SNTG1: variants seen among roughly 807,000 people sequenced by gnomAD.
SNTG1 encodes syntrophin gamma 1.
In SNTG1, 39 loss-of-function variants were observed where a neutral mutation model predicts 74.7. That is an observed-to-expected ratio of 0.52 (90% CI 0.40 to 0.68). The LOEUF (loss-of-function observed/expected upper bound fraction) is 0.68, where lower values mean the gene tolerates loss of function less well. Ranked by LOEUF, SNTG1 falls within the 30% of genes least tolerant of loss-of-function variation. SNTG1 has a pLI of 0.00. For missense variants in SNTG1, 685 were observed against 609.5 expected (o/e 1.12, Z -1.30); for synonymous variants, 254 against 217.1 (o/e 1.17, Z -1.49).
In SNTG1 at chr8:50,661,129, T is replaced by C. The variant is rs141116609; in HGVS notation, c.1038+2466T>C. On this transcript the variant is annotated intron_variant, in intron 15 of 18. Coordinates refer to ENST00000642720, the MANE Select transcript of SNTG1 (RefSeq NM_018967.5). ...TACCAGGTAACCTCAGCACTTGTTA[T>C]GTGGCTGAGAAAAATGCAGAAAAAG... Among the ~76,000 whole-genome samples the C allele has an allele frequency of 4.6e-3, 702 of 152,296 alleles. 8 individuals are homozygous for C. The highest frequency in any genetic ancestry group is 0.016 in the African/African-American group (652 of 41,572).
intron 4 of SNTG1, among the ~76,000 whole-genome samples, chr8:50,415,493 T>A (rs970439446): frequency 1.6e-4 from 25 of 152,238 alleles, no homozygotes; most frequent in Non-Finnish European, 3.4e-4. Flanking sequence ...AGGAGTAAGA[T>A]TTTTGGTTAA....
chr8:50,792,781 T>C lies in SNTG1; in HGVS notation c.1506T>C (p.Ser502=), dbSNP rs763171404. The change falls in exon 19 of 19, where the codon TCT becomes TCC. Residue 502 remains serine (S), a synonymous_variant. Coordinates refer to ENST00000642720, the MANE Select transcript of SNTG1 (RefSeq NM_018967.5). ...PLFLGNQATA[S]TAASSATTSK... ...TTTTAGGCAATCAAGCTACTGCTTCTACTGCTGCCAGCTCTGCTACCACGA... is the reference window on the plus strand; with the variant it reads ...TTTTAGGCAATCAAGCTACTGCTTCCACTGCTGCCAGCTCTGCTACCACGA... 16 of 1,612,528 alleles carry C rather than the reference T, an allele frequency of 9.9e-6. No individual in the cohort carries two copies. In the Admixed American group the frequency reaches 2.2e-4, roughly 22 times the overall value.
intron 2 of SNTG1, among the ~76,000 whole-genome samples, chr8:50,247,721 G>T (rs550436192): frequency 2.0e-5 from 3 of 151,012 alleles, no homozygotes; most frequent in Non-Finnish European, 2.9e-5. Context: ...ACTGGGTCTT[G>T]TCACGTTGCC....
chr8:50,262,174 T>C (rs911729840), intron 2 of SNTG1, among the ~76,000 whole-genome samples: 1 of 152,296 alleles, frequency 6.6e-6, no homozygotes, highest in African/African-American at 2.4e-5. Flanking sequence ...AAAAATAGCA[T>C]ACTAAGATTT....
intron 18 of SNTG1, among the ~76,000 whole-genome samples, chr8:50,785,030 AC>A (rs756963548): frequency 3.3e-5 from 5 of 152,036 alleles, no homozygotes; most frequent in Admixed American, 6.6e-5. Flanking sequence ...TCATGCTAAA[AC>A]ATATGCTACG....
At chr8:49,972,315 GT>G (rs1272718049) in intron 1 of SNTG1, among the ~76,000 whole-genome samples, 2 of 152,178 alleles carry the variant, frequency 1.3e-5, no homozygotes, top group Non-Finnish European at 2.9e-5. Flanking sequence ...CTAGCCATAT[GT>G]AGAAAGCTGA....
intron 2 of SNTG1, among the ~76,000 whole-genome samples, chr8:50,252,264 AT>A (rs1315241118): frequency 6.6e-6 from 1 of 152,130 alleles, no homozygotes; most frequent in Admixed American, 6.5e-5. Flanking sequence ...CAAGAAAAAT[AT>A]TTATAATCAA....
chr8:50,275,219 C>G (rs2088024287), intron 2 of SNTG1, among the ~76,000 whole-genome samples: 1 of 152,020 alleles, frequency 6.6e-6, no homozygotes, highest in South Asian at 2.1e-4. Context: ...GATTTATTTT[C>G]TTAAATGAAT....
intron 2 of SNTG1, among the ~76,000 whole-genome samples, chr8:50,295,779 G>T (rs1340058565): frequency 6.6e-6 from 1 of 152,144 alleles, no homozygotes; most frequent in African/African-American, 2.4e-5. Context: ...AGTTTGCCAA[G>T]ATACATATGA....
intron 2 of SNTG1, among the ~76,000 whole-genome samples, chr8:50,225,231 CA>C: frequency 6.6e-6 from 1 of 152,218 alleles, no homozygotes; most frequent in East Asian, 1.9e-4. Context: ...CTCAGCCTCC[CA>C]AAGTGCGTAT....
chr8:50,688,373 G>A (rs1176216580), intron 15 of SNTG1, among the ~76,000 whole-genome samples: 2 of 152,062 alleles, frequency 1.3e-5, no homozygotes, highest in Admixed American at 6.6e-5. Flanking sequence ...TTTCTTCTAG[G>A]GTTTTTATGG....
chr8:50,333,290 A>G (rs562719361), intron 2 of SNTG1, among the ~76,000 whole-genome samples: 2 of 152,292 alleles, frequency 1.3e-5, no homozygotes, highest in Admixed American at 6.5e-5. Context: ...AAATGAATTA[A>G]CCATTATTGA....
chr8:50,610,826 A>T (rs570945266), intron 13 of SNTG1, among the ~76,000 whole-genome samples: 1 of 152,252 alleles, frequency 6.6e-6, no homozygotes, highest in Non-Finnish European at 1.5e-5. Flanking sequence ...GAAAGACAAC[A>T]CTTCTCAATT....
At chr8:50,386,502 G>A (rs976835733) in intron 2 of SNTG1, among the ~76,000 whole-genome samples, 4 of 151,878 alleles carry the variant, frequency 2.6e-5, no homozygotes, top group Admixed American at 6.6e-5. Flanking sequence ...TATGTGGCCC[G>A]ACTTCCTTTC....
chr8:50,463,197 A>G (rs1162184833), intron 8 of SNTG1, among the ~76,000 whole-genome samples: 1 of 152,052 alleles, frequency 6.6e-6, no homozygotes, highest in Non-Finnish European at 1.5e-5. Flanking sequence ...AAGCCCTCAA[A>G]GTCCTCCATG....
At chr8:50,255,350 G>A (rs979955292) in intron 2 of SNTG1, among the ~76,000 whole-genome samples, 28 of 152,124 alleles carry the variant, frequency 1.8e-4, no homozygotes, top group Non-Finnish European at 3.5e-4. Flanking sequence ...TAATGTTTTG[G>A]ATTAAATTCT....
chr8:50,518,818 C>T (rs1486899294), intron 9 of SNTG1, among the ~76,000 whole-genome samples: 4 of 152,030 alleles, frequency 2.6e-5, no homozygotes, highest in East Asian at 1.9e-4. Context: ...AATTAATAGC[C>T]TACCAACCAA....
At chr8:50,648,953 G>T (rs2095127568) in intron 13 of SNTG1, among the ~76,000 whole-genome samples, 1 of 151,964 alleles carries the variant, frequency 6.6e-6, no homozygotes, top group African/African-American at 2.4e-5. Context: ...TAGTTTATTT[G>T]AATCAAATCA....
intron 18 of SNTG1, among the ~76,000 whole-genome samples, chr8:50,771,242 T>C (rs929907230): frequency 6.6e-6 from 1 of 152,070 alleles, no homozygotes. Flanking sequence ...AGGGAAAGTT[T>C]GGAACTTCTT....
Sources: allele counts gnomAD v4.1 joint callset (sites outside exome capture counted in the v4.1 genomes callset), GRCh38; gene constraint gnomAD v4.1.1; transcripts MANE v1.5; gene names NCBI Gene and HGNC (gene_info 2026-07-23, HGNC 2026-07-21).